OXR1: variants seen among roughly 807,000 people sequenced by gnomAD.
OXR1 encodes oxidation resistance 1, also known as oxidation resistance protein 1.
A neutral mutation model predicts 104.6 loss-of-function variants in OXR1; 41 were observed. The ratio of observed to expected loss-of-function variants is 0.39; its 90% CI spans 0.31 to 0.51. OXR1 has a LOEUF of 0.51. Among genes scored for constraint, OXR1 ranks in the 20% least tolerant of loss-of-function variants. The pLI is 0.77. For synonymous variants in OXR1, 348 were observed against 348.4 expected (o/e 1.00, Z 0.01); for missense variants, 955 against 1,031.9 (o/e 0.93, Z 1.02).
At chr8:106,489,279 C>G (rs925250424) in intron 2 of OXR1, among the ~76,000 whole-genome samples, 3 of 151,858 alleles carry the variant, frequency 2.0e-5, no homozygotes, top group African/African-American at 7.3e-5. Flanking sequence ...GATTTTGTAT[C>G]CTGAGACTTT....
chr8:106,318,348 T>C (rs1224340961), intron 1 of OXR1, among the ~76,000 whole-genome samples: 1 of 144,528 alleles, frequency 6.9e-6, no homozygotes, highest in Non-Finnish European at 1.6e-5. Context: ...GCTTCAACTT[T>C]AACCTAAAGG....
intron 2 of OXR1, among the ~76,000 whole-genome samples, chr8:106,443,780 T>A (rs1819893294): frequency 6.6e-6 from 1 of 152,156 alleles, no homozygotes; most frequent in African/African-American, 2.4e-5. Context: ...GACATAGGCA[T>A]GGGCAAAGAC....
chr8:106,327,007 AATAC>A (rs1814497345), intron 1 of OXR1, among the ~76,000 whole-genome samples: 1 of 152,214 alleles, frequency 6.6e-6, no homozygotes, highest in African/African-American at 2.4e-5. Context: ...AAAATTCACA[AATAC>A]ATATATAATC....
chr8:106,669,455 G>A (rs1415736632), intron 3 of OXR1, among the ~76,000 whole-genome samples: 1 of 152,038 alleles, frequency 6.6e-6, no homozygotes, highest in African/African-American at 2.4e-5. Context: ...TTTTTGTTTT[G>A]ATCGTGGATA....
intron 2 of OXR1, among the ~76,000 whole-genome samples, chr8:106,411,640 T>G (rs546785039): frequency 6.6e-6 from 1 of 152,298 alleles, no homozygotes; most frequent in Admixed American, 6.5e-5. Context: ...TGCATGATTT[T>G]TAATAAACAC....
At chr8:106,369,588 G>A (rs567549752) in intron 2 of OXR1, among the ~76,000 whole-genome samples, 28 of 152,268 alleles carry the variant, frequency 1.8e-4, no homozygotes, top group African/African-American at 6.5e-4. Context: ...GATGACGGAA[G>A]GGGTCCAGTT....
At chr8:106,652,303 T>C (rs1200499567) in intron 3 of OXR1, among the ~76,000 whole-genome samples, 1 of 152,030 alleles carries the variant, frequency 6.6e-6, no homozygotes, top group Non-Finnish European at 1.5e-5. Context: ...TTCAAGAAAT[T>C]CAGTGATGAA....
chr8:106,592,845 A>C (rs1819203047), intron 3 of OXR1, among the ~76,000 whole-genome samples: 1 of 152,144 alleles, frequency 6.6e-6, no homozygotes, highest in Non-Finnish European at 1.5e-5. Flanking sequence ...CTCACTCTGG[A>C]TGTTGAAAGG....
chr8:106,659,725 C>T (rs796723252), intron 3 of OXR1, among the ~76,000 whole-genome samples: 5 of 152,084 alleles, frequency 3.3e-5, no homozygotes, highest in Non-Finnish European at 7.4e-5. Flanking sequence ...TTCGGTGGCC[C>T]GTGTCTGTAG....
intron 3 of OXR1, among the ~76,000 whole-genome samples, chr8:106,562,327 A>G (rs1816743052): frequency 6.6e-6 from 1 of 152,098 alleles, no homozygotes. Context: ...TGAAGCATAC[A>G]CAGTATCAAT....
chr8:106,575,987 C>CAA (rs1817801085), intron 3 of OXR1, among the ~76,000 whole-genome samples: 1 of 92,882 alleles, frequency 1.1e-5, no homozygotes, highest in African/African-American at 3.7e-5. Context: ...ATGTTTATAA[C>CAA]ACACACACAC....
chr8:106,604,333 A>C (rs1274056005), intron 3 of OXR1, among the ~76,000 whole-genome samples: 2 of 152,140 alleles, frequency 1.3e-5, no homozygotes, highest in African/African-American at 4.8e-5. Flanking sequence ...CTTGGCTTTC[A>C]CAGGGAAAGA....
At chr8:106,360,331 A>G (rs1315407790) in intron 2 of OXR1, among the ~76,000 whole-genome samples, 1 of 152,228 alleles carries the variant, frequency 6.6e-6, no homozygotes, top group East Asian at 1.9e-4. Context: ...TGACATTTAT[A>G]TAAATTTACA....
Position 106,563,226 on chromosome 8 carries a change from T to C in OXR1, c.220+44087T>C, listed in dbSNP as rs186292229. ...TGGTGTGCTGTATTTAGGAGACCCA[T>C]CTCACGTGCAAAGGCACACATAGGC... On this transcript the variant is annotated intron_variant, in intron 3 of 16. Transcript: ENST00000517566. 2.7e-3 allele frequency among the ~76,000 whole-genome samples: 397 copies of C among 146,410 alleles called. 5 individuals carry two copies. The highest frequency in any genetic ancestry group is 9.9e-3 in the African/African-American group (386 of 39,172).
At chr8:106,684,132 ATTT>A (rs1828461163) in intron 5 of OXR1, 111 bp from the exon 6 acceptor site, 2 of 597,364 alleles carry the variant, frequency 3.3e-6, no homozygotes, top group South Asian at 2.4e-5. Context: ...TAATTTGAAA[ATTT>A]TTATGTTTTT....
At chr8:106,310,135 A>G (rs532887684) in intron 1 of OXR1, among the ~76,000 whole-genome samples, 1 of 151,842 alleles carries the variant, frequency 6.6e-6, no homozygotes, top group East Asian at 1.9e-4. Context: ...TACTCATATT[A>G]TGGCTATAAA....
chr8:106,588,035 T>C (rs950307095), intron 3 of OXR1, among the ~76,000 whole-genome samples: 8 of 151,610 alleles, frequency 5.3e-5, no homozygotes, highest in Non-Finnish European at 1.2e-4. Flanking sequence ...CACTGCAAGC[T>C]CCGCCTGTGG....
chr8:106,534,799 A>T (rs1814359327), intron 3 of OXR1, among the ~76,000 whole-genome samples: 1 of 152,240 alleles, frequency 6.6e-6, no homozygotes, highest in South Asian at 2.1e-4. Flanking sequence ...CTTAACAAAT[A>T]CTTGCAATTT....
intron 3 of OXR1, among the ~76,000 whole-genome samples, chr8:106,599,721 T>G (rs1819812392): frequency 6.6e-6 from 1 of 152,204 alleles, no homozygotes; most frequent in East Asian, 1.9e-4. Context: ...AACAACTCTT[T>G]TAACGTATTA....
Sources: allele counts gnomAD v4.1 joint callset (sites outside exome capture counted in the v4.1 genomes callset), GRCh38; gene constraint gnomAD v4.1.1; transcripts MANE v1.5; gene names NCBI Gene and HGNC (gene_info 2026-07-23, HGNC 2026-07-21).